The following STK31 variants were observed in gnomAD, a reference collection of about 807,000 sequenced individuals.
STK31 encodes serine/threonine kinase 31.
Under a neutral mutation model 129.7 loss-of-function variants are expected in STK31, and 89 were observed. The observed-to-expected ratio is 0.69, with a 90% CI of 0.58 to 0.82. The LOEUF (loss-of-function observed/expected upper bound fraction) is 0.82. STK31 is among the 40% of genes least tolerant of loss of function. The pLI, the probability that STK31 is intolerant of heterozygous loss-of-function variation, is 0.00. For missense variants in STK31, 1,187 were observed against 1,176.4 expected, an observed-to-expected ratio of 1.01 and a Z score of -0.13; for synonymous variants, 448 against 395.3, an observed-to-expected ratio of 1.13 and a Z score of -1.58.
At chr7:23,798,364 A>G (rs535468814) in intron 22 of STK31, among the ~76,000 whole-genome samples, 1 of 151,936 alleles carries the variant, frequency 6.6e-6, no homozygotes, top group South Asian at 2.1e-4. Flanking sequence ...AAATACTGGC[A>G]AACTGAATTC....
chr7:23,800,237 A>G (rs1204374910), intron 22 of STK31, among the ~76,000 whole-genome samples: 1 of 152,236 alleles, frequency 6.6e-6, no homozygotes, highest in Non-Finnish European at 1.5e-5. Flanking sequence ...TACTGGGTAT[A>G]TACCCAAAGG....
At chr7:23,723,242 A>T (rs532987298) in intron 4 of STK31, among the ~76,000 whole-genome samples, 38 of 152,172 alleles carry the variant, frequency 2.5e-4, no homozygotes, top group Middle Eastern at 3.4e-3. Context: ...TTTTACTTTT[A>T]TTTGCTGAAA....
rs766515884 is a variant in STK31 at position 23,832,390 on chromosome 7, G to A, written c.*24G>A. ...AAATTATTATTGTTGTTGTTGCAGA[G>A]GTTCTTTTTAAAAACTTTGGTTTGG... On this transcript the variant is annotated 3_prime_UTR_variant, in exon 24 of 24. Coordinates refer to ENST00000355870, the MANE Select transcript of STK31 (RefSeq NM_031414.5). The A allele has an allele frequency of 3.0e-5, 47 of 1,549,444 alleles. No individual in the cohort carries two copies. The highest frequency in any genetic ancestry group is 4.0e-5 in the Non-Finnish European group (46 of 1,152,366).
chr7:23,794,006 C>T (rs147653299), intron 22 of STK31, among the ~76,000 whole-genome samples: 91 of 152,330 alleles, frequency 6.0e-4, no homozygotes, highest in African/African-American at 2.1e-3. Flanking sequence ...AATGGAAAAA[C>T]AGTCTGCTAT....
At chr7:23,722,721 G>A (rs1786794674) in intron 4 of STK31, 1 of 152,486 alleles carries the variant, frequency 6.6e-6, no homozygotes, top group African/African-American at 2.4e-5. Context: ...TCCTTGAGCT[G>A]TGGTGGGCCC....
chr7:23,745,845 C>T (rs60669119), intron 8 of STK31, among the ~76,000 whole-genome samples: 2,117 of 152,066 alleles, frequency 0.014, 54 homozygotes, highest in African/African-American at 0.048. Flanking sequence ...CCTTCTTGGG[C>T]GTAGAGTGGC....
chr7:23,731,237 A>T (rs1787417012), intron 6 of STK31, among the ~76,000 whole-genome samples: 1 of 152,054 alleles, frequency 6.6e-6, no homozygotes. Context: ...AGTTAAGCTA[A>T]TTGGCACACA....
Position 23,832,256 on chromosome 7 carries a change from G to T in STK31, c.2950G>T (p.Glu984Ter), listed in dbSNP as rs763457395. The T allele has an allele frequency of 1.9e-6, 3 of 1,613,878 alleles. No individual in the cohort carries two copies. Among genetic ancestry groups the T allele is most frequent in the East Asian group, 2.2e-5 (1 of 44,876 alleles). ...MPKEQSVPNP[E>*]KDTEYTLYKK... ...AAAGGAGCAATCAGTTCCAAACCCA[G>T]AAAAAGATACTGAATACACCCTATA... Residue 984 changes from glutamate to a stop codon, truncating the protein, a stop_gained, in exon 24 of 24, where the codon GAA becomes TAA. Coordinates refer to ENST00000355870, the MANE Select transcript of STK31 (RefSeq NM_031414.5). LOFTEE classifies it high-confidence loss of function.
At chr7:23,830,869 C>T (rs1478663493) in intron 23 of STK31, among the ~76,000 whole-genome samples, 1 of 152,166 alleles carries the variant, frequency 6.6e-6, no homozygotes, top group Non-Finnish European at 1.5e-5. Flanking sequence ...ATCCACCTGC[C>T]TCCACCTCCC....
At chr7:23,786,206 A>G (rs986257007) in intron 18 of STK31, among the ~76,000 whole-genome samples, 1 of 152,128 alleles carries the variant, frequency 6.6e-6, no homozygotes, top group African/African-American at 2.4e-5. Flanking sequence ...TATCAGTACA[A>G]TCTTCTACTC....
rs763431174 is a variant in STK31 at position 23,710,266 on chromosome 7, C to A, written c.-20C>A. 1 of 1,586,374 alleles carries A rather than the reference C, an allele frequency of 6.3e-7. No individual in the cohort carries two copies. Among genetic ancestry groups the A allele is most frequent in the African/African-American group, 1.3e-5 (1 of 74,562 alleles). On this transcript the variant is annotated 5_prime_UTR_variant, in exon 1 of 24. Transcript: ENST00000355870. ...GCCGCTGCACGTGTGCTACGGCGGG[C>A]GGAGGGCCGAAAGTCCAGTATGTGG...
At chr7:23,800,185 G>C (rs1369538693) in intron 22 of STK31, among the ~76,000 whole-genome samples, 1 of 152,088 alleles carries the variant, frequency 6.6e-6, no homozygotes, top group Non-Finnish European at 1.5e-5. Context: ...CGATTCCTCA[G>C]GCATCTAGAA....
Position 23,737,032 on chromosome 7 carries a change from A to T in STK31, c.971A>T (p.Tyr324Phe), listed in dbSNP as rs1436091012. 1 of 1,612,084 alleles carries T rather than the reference A, an allele frequency of 6.2e-7. No homozygotes were observed. The highest frequency in any genetic ancestry group is 8.5e-7 in the Non-Finnish European group (1 of 1,179,684). The change falls in exon 8 of 24, where the codon TAT becomes TTT. Residue 324 changes from tyrosine (Y) to phenylalanine (F), a missense_variant. Physicochemically the swap from Tyr to Phe is conservative, Grantham distance 22. This residue lies in a region of STK31 where 975 missense variants were observed against 934.9 expected (regional missense o/e 1.04). Transcript: ENST00000355870. ...KTEKDALLESYKALELKVEQI... is the reference protein window; with the variant it reads ...KTEKDALLESFKALELKVEQI... ...GAGAAGGACGCTCTTCTTGAAAGTT[A>T]TAAGGCGTTAGAATTGAAAGTAGAG...
chr7:23,729,511 G>GTT (rs72476098), intron 6 of STK31, among the ~76,000 whole-genome samples: 81 of 121,694 alleles, frequency 6.7e-4, no homozygotes, highest in East Asian at 8.9e-4. Flanking sequence ...GTCTCTTTTT[G>GTT]TTTTTTTTTT....
At chr7:23,811,986 G>C (rs1793163648) in intron 22 of STK31, among the ~76,000 whole-genome samples, 1 of 152,172 alleles carries the variant, frequency 6.6e-6, no homozygotes, top group African/African-American at 2.4e-5. Flanking sequence ...GAAAACTCAT[G>C]ATGAGAAGGA....
chr7:23,766,041 G>A (rs559797863), intron 11 of STK31, among the ~76,000 whole-genome samples: 6 of 152,000 alleles, frequency 3.9e-5, no homozygotes, highest in Non-Finnish European at 2.9e-5. Flanking sequence ...TTCATAAGTC[G>A]TTTATCTCTT....
chr7:23,766,156 A>G (rs1417184623), intron 11 of STK31, among the ~76,000 whole-genome samples: 3 of 152,318 alleles, frequency 2.0e-5, no homozygotes, highest in Middle Eastern at 3.4e-3. Flanking sequence ...TCTCATTTCA[A>G]TCTCAAATAC....
At chr7:23,712,651 T>G (rs1030720335) in intron 3 of STK31, among the ~76,000 whole-genome samples, 5 of 152,158 alleles carry the variant, frequency 3.3e-5, no homozygotes, top group African/African-American at 1.2e-4. Context: ...TGAAGGAGGA[T>G]AAGTTAAAAA....
intron 7 of STK31, among the ~76,000 whole-genome samples, chr7:23,736,210 A>G (rs1251506392): frequency 6.6e-6 from 1 of 152,260 alleles, no homozygotes; most frequent in African/African-American, 2.4e-5. Context: ...AGGCAAAGTC[A>G]GAATTTCAGA....
Sources: gnomAD v4.1 joint callset for allele counts (sites outside exome capture counted in the v4.1 genomes callset) on GRCh38, gnomAD v4.1.1 for gene constraint, gnomAD v4.1.1 regional missense constraint, MANE v1.5 for transcripts, NCBI Gene and HGNC (gene_info 2026-07-23, HGNC 2026-07-21) for gene names.